The following EPGN variants were observed in gnomAD, a reference collection of about 807,000 sequenced individuals.
EPGN encodes epithelial mitogen, also known as epigen.
In EPGN, 21 loss-of-function variants were observed where a neutral mutation model predicts 20.7. The observed-to-expected ratio is 1.01, with a 90% CI of 0.72 to 1.46. The LOEUF is 1.46. Ranked by LOEUF, EPGN falls within the 40% of genes most tolerant of loss-of-function variation. EPGN has a pLI of 0.00. For missense variants in EPGN, 199 were observed against 180.7 expected, an observed-to-expected ratio of 1.10 and a Z score of -0.58; for synonymous variants, 69 against 63.8, an observed-to-expected ratio of 1.08 and a Z score of -0.39.
At chr4:74,309,254 A>G in intron 2 of EPGN, 72 bp downstream of exon 2, 1 of 1,224,374 alleles carries the variant, frequency 8.2e-7, no homozygotes, top group East Asian at 2.5e-5. Flanking sequence ...ATTGTGATAA[A>G]AGCAATATTG....
Position 74,313,008 on chromosome 4 carries a change from T to G in EPGN, c.255-10T>G, listed in dbSNP as rs1560580575. ...GGTTTTAAAATTAAACTTTTTTTCT[T>G]TTTTTAAAGGTGTTTTACTGGTTAT... On this transcript the variant is annotated splice_polypyrimidine_tract_variant and intron_variant, in intron 3 of 4. Coordinates refer to ENST00000413830, the MANE Select transcript of EPGN (RefSeq NM_001270989.2). The G allele has an allele frequency of 1.3e-6, 2 of 1,576,490 alleles. No homozygotes were observed. Among genetic ancestry groups the G allele is most frequent in the Non-Finnish European group, 1.7e-6 (2 of 1,170,668 alleles).
At chr4:74,314,092 T>C (rs928748791) in intron 4 of EPGN, 6 of 455,956 alleles carry the variant, frequency 1.3e-5, no homozygotes, top group Admixed American at 2.4e-5. Context: ...TTGCTGTGCA[T>C]GTGATTAGTT....
At chr4:74,310,121 C>G (rs1750806281) in intron 2 of EPGN, among the ~76,000 whole-genome samples, 1 of 152,082 alleles carries the variant, frequency 6.6e-6, no homozygotes, top group Non-Finnish European at 1.5e-5. Flanking sequence ...GTCTTCTAAG[C>G]CTTCAAACAA....
intron 2 of EPGN, among the ~76,000 whole-genome samples, chr4:74,309,812 T>G (rs1750783757): frequency 6.6e-6 from 1 of 152,168 alleles, no homozygotes; most frequent in South Asian, 2.1e-4. Context: ...GAGGTGAAAC[T>G]TGGAAAGCTT....
At chr4:74,314,373 A>T (rs757417117) in intron 4 of EPGN, 133 of 600,378 alleles carry the variant, frequency 2.2e-4, no homozygotes, top group Non-Finnish European at 3.4e-4. Flanking sequence ...CTGGCAGGGC[A>T]CTCAGTTGGC....
rs1751213412 is a variant in EPGN at position 74,315,163 on chromosome 4, G to A, written c.*526G>A. The A allele has an allele frequency of 6.5e-6, 1 of 154,930 alleles. No homozygotes were observed. Among genetic ancestry groups the A allele is most frequent in the Admixed American group, 6.4e-5 (1 of 15,550 alleles). 9.6% of individuals were successfully genotyped at this position (154,930 alleles called of 1,614,324 possible). ...CTTTTAGAATGAAATCAGTGTTAAG[G>A]TACCTCCAGTGAACCAAACATGTGT... On this transcript the variant is annotated 3_prime_UTR_variant, in exon 5 of 5. Coordinates refer to ENST00000413830, the MANE Select transcript of EPGN (RefSeq NM_001270989.2).
intron 3 of EPGN, 101 bp downstream of exon 3, chr4:74,312,406 AAG>A: frequency 2.2e-6 from 3 of 1,359,482 alleles, no homozygotes; most frequent in Non-Finnish European, 2.9e-6. Context: ...TTTAGTTTAA[AAG>A]GGTGCATAAT....
chr4:74,308,960 C>T (rs1750711999), intron 1 of EPGN, 133 bp from the exon 2 acceptor site: 1 of 681,856 alleles, frequency 1.5e-6, no homozygotes, highest in Non-Finnish European at 2.5e-6. Context: ...TTGCCCTAGT[C>T]ACGTTATGGA....
chr4:74,313,664 C>T (rs1002883872), intron 4 of EPGN: 2 of 960,884 alleles, frequency 2.1e-6, no homozygotes, highest in South Asian at 9.6e-5. Context: ...GATACTGTCT[C>T]CTGCTAAAAA....
Position 74,314,642 on chromosome 4 carries a change from T to G in EPGN, c.*5T>G. 3.3e-6 allele frequency: 5 copies of G among 1,535,928 alleles called. No homozygotes were observed. The highest frequency in any genetic ancestry group is 4.4e-6 in the Non-Finnish European group (5 of 1,146,742). On this transcript the variant is annotated 3_prime_UTR_variant, in exon 5 of 5. Coordinates refer to ENST00000413830, the MANE Select transcript of EPGN (RefSeq NM_001270989.2). ...GGAGAAAGACGACCACTGTGAGGCCTTTGTGAAGAATTTTCATCAAGGCAT... is the reference window on the plus strand; with the variant it reads ...GGAGAAAGACGACCACTGTGAGGCCGTTGTGAAGAATTTTCATCAAGGCAT...
In EPGN at chr4:74,315,882, G is replaced by A. The variant is rs772488267; in HGVS notation, c.*1245G>A. ...CAGGACAATCACTTGAACCCAGGAG[G>A]CAGAGGTTGTAGTGAGCCGAGATGG... On this transcript the variant is annotated 3_prime_UTR_variant, in exon 5 of 5. Transcript: ENST00000413830. Among the ~76,000 whole-genome samples the A allele has an allele frequency of 2.0e-5, 3 of 151,324 alleles. No individual in the cohort carries two copies. Among genetic ancestry groups the A allele is most frequent in the Non-Finnish European group, 2.9e-5 (2 of 67,950 alleles).
chr4:74,314,684 G>T lies in EPGN; in HGVS notation c.*47G>T. 1 of 1,501,204 alleles carries T rather than the reference G, an allele frequency of 6.7e-7. No homozygotes were observed. Among genetic ancestry groups the T allele is most frequent in the Non-Finnish European group, 8.9e-7 (1 of 1,122,346 alleles). The allele number at this position is 1,501,204 out of a possible 1,614,324, so 93.0% of individuals were successfully genotyped here. ...TCAAGGCATCTGTAGAGATCAGTGA[G>T]CCCAAAATTAAAGTTTTCAGATGAA... On this transcript the variant is annotated 3_prime_UTR_variant, in exon 5 of 5. Transcript: ENST00000413830.
chr4:74,313,186 A>C lies in EPGN; in HGVS notation c.407+16A>C, dbSNP rs988402550. ...TAAGAAAGAGGTATGAAAAAGACAA[A>C]ATATGAAGTCACTTCATATGCAATC... On this transcript the variant is annotated intron_variant, in intron 4 of 4. Transcript: ENST00000413830. 1.5e-5 allele frequency: 24 copies of C among 1,606,926 alleles called. No homozygotes were observed. The African/African-American group carries it at 3.2e-4, about 22-fold the overall frequency.
rs551287143 is a variant in EPGN at position 74,313,412 on chromosome 4, T to A, written c.407+242T>A. On this transcript the variant is annotated intron_variant, in intron 4 of 4. Coordinates refer to ENST00000413830, the MANE Select transcript of EPGN (RefSeq NM_001270989.2). Reference sequence around the variant, plus strand: ...AAACGTACAGTCTCCCTTCAACCTATCTCTGTCTGCCCATATCAAAATTAT... The same window carrying A: ...AAACGTACAGTCTCCCTTCAACCTAACTCTGTCTGCCCATATCAAAATTAT... 10 of 1,342,150 alleles carry A rather than the reference T, an allele frequency of 7.5e-6. No individual in the cohort carries two copies. In the African/African-American group the frequency reaches 1.4e-4, roughly 18 times the overall value. The allele number at this position is 1,342,150 out of a possible 1,614,324, so 83.1% of individuals were successfully genotyped here. A position where few individuals can be genotyped will look rare whatever the true frequency, so the allele number is the denominator to read the frequency against.
chr4:74,316,744 G>C lies in EPGN; in HGVS notation c.*2107G>C, dbSNP rs535953870. 6.6e-6 allele frequency among the ~76,000 whole-genome samples: 1 copy of C among 152,124 alleles called. No homozygotes were observed. Among genetic ancestry groups the C allele is most frequent in the Non-Finnish European group, 1.5e-5 (1 of 68,018 alleles). The stretch of plus-strand genomic sequence containing the variant: ...GAGAGTATGGGAAGAAACAATACAG[G>C]ATTGCCTTTAATTAATTAAGAATTG... On this transcript the variant is annotated 3_prime_UTR_variant, in exon 5 of 5. Transcript: ENST00000413830.
At chr4:74,312,994 T>C (rs746534743) in intron 3 of EPGN, 24 bp from the exon 4 acceptor site, 1 of 1,562,796 alleles carries the variant, frequency 6.4e-7, no homozygotes, top group Non-Finnish European at 8.6e-7. Context: ...GTTTTAAAAT[T>C]AAACTTTTTT....
chr4:74,310,796 A>T (rs1750886946), intron 2 of EPGN, among the ~76,000 whole-genome samples: 1 of 152,206 alleles, frequency 6.6e-6, no homozygotes, highest in Non-Finnish European at 1.5e-5. Context: ...ATGTACTTTA[A>T]ATCATCCCTT....
intron 2 of EPGN, among the ~76,000 whole-genome samples, chr4:74,309,548 T>C (rs1750757346): frequency 6.6e-6 from 1 of 152,192 alleles, no homozygotes; most frequent in Non-Finnish European, 1.5e-5. Context: ...TCTGTGATTA[T>C]AAGCTTTGAT....
At chr4:74,312,879 C>T in intron 3 of EPGN, 139 bp from the exon 4 acceptor site, 1 of 702,820 alleles carries the variant, frequency 1.4e-6, no homozygotes, top group South Asian at 2.2e-5. Context: ...TTGCCCGTAA[C>T]AGATTGGCTT....
Sources: allele counts gnomAD v4.1 joint callset (sites outside exome capture counted in the v4.1 genomes callset), GRCh38; gene constraint gnomAD v4.1.1; transcripts MANE v1.5; gene names NCBI Gene and HGNC (gene_info 2026-07-23, HGNC 2026-07-21).